The following ZNF770 variants were observed in gnomAD, a reference collection of about 807,000 sequenced individuals.
ZNF770 encodes zinc finger protein 770.
A neutral mutation model predicts 44.8 loss-of-function variants in ZNF770; 13 were observed. That is an observed-to-expected ratio of 0.29 (90% confidence interval 0.19 to 0.46). The LOEUF is 0.46. Among genes scored for constraint, ZNF770 ranks in the 20% least tolerant of loss-of-function variants. ZNF770 has a pLI of 1.00. For missense variants in ZNF770, 681 were observed against 797.9 expected (o/e 0.85, Z 1.77); for synonymous variants, 304 against 271.8 (o/e 1.12, Z -1.17).
intron 1 of ZNF770, 43 bp from the exon 2 acceptor site, chr15:34,987,716 G>A (rs1007133361): frequency 3.9e-5 from 6 of 152,200 alleles, no homozygotes; most frequent in African/African-American, 1.4e-4. Flanking sequence ...AATAATCTCC[G>A]GCGGCTGCTT....
intron 2 of ZNF770, among the ~76,000 whole-genome samples, chr15:34,984,961 C>T (rs1189109979): frequency 1.3e-5 from 2 of 151,906 alleles, no homozygotes; most frequent in African/African-American, 2.4e-5. Context: ...GGCAAAACCC[C>T]GTCTCGACTA....
In ZNF770 at chr15:34,981,261, C is replaced by T; in HGVS notation, c.*98G>A. Reference sequence around the variant, plus strand: ...ACAAGCAAATGCCTGTGAAACCATTCAGTTTAATGCAGGCCTTTCAATAAA... The same window carrying T: ...ACAAGCAAATGCCTGTGAAACCATTTAGTTTAATGCAGGCCTTTCAATAAA... On this transcript the variant is annotated 3_prime_UTR_variant, in exon 3 of 3. Coordinates refer to ENST00000356321, the MANE Select transcript of ZNF770 (RefSeq NM_014106.4). The T allele has an allele frequency of 1.6e-6, 2 of 1,215,346 alleles. No homozygotes were observed. Among genetic ancestry groups the T allele is most frequent in the Non-Finnish European group, 2.2e-6 (2 of 898,496 alleles). The allele number at this position is 1,215,346 out of a possible 1,614,324, so 75.3% of individuals were successfully genotyped here.
intron 2 of ZNF770, among the ~76,000 whole-genome samples, chr15:34,986,371 T>C (rs1595375042): frequency 6.6e-6 from 1 of 152,218 alleles, no homozygotes. Flanking sequence ...GTGCTATGAA[T>C]ATGCATTTTC....
At position 34,981,817 on chromosome 15, in the gene ZNF770, C is replaced by G. The variant is rs140429599; in HGVS notation, c.1618G>C (p.Gly540Arg). Residue 540 changes from glycine to arginine, a missense_variant, in exon 3 of 3, where the codon GGA becomes CGA. Gly to Arg is a moderately radical substitution (Grantham distance 125, BLOSUM62 -2). Transcript: ENST00000356321. ...PYASLCQVEF[G>R]NFNNLSNHSG... ...TGATTAGAAAGATTGTTGAAGTTTCCAAATTCTACTTGGCAAAGAGATGCA... is the reference window on the plus strand; with the variant it reads ...TGATTAGAAAGATTGTTGAAGTTTCGAAATTCTACTTGGCAAAGAGATGCA... 5.0e-6 allele frequency: 8 copies of G among 1,613,892 alleles called. No homozygotes were observed. The African/African-American group carries it at 9.3e-5, about 19-fold the overall frequency.
chr15:34,988,058 A>T (rs1309991055), intron 1 of ZNF770, 58 bp downstream of exon 1: 1 of 152,296 alleles, frequency 6.6e-6, no homozygotes, highest in Non-Finnish European at 1.5e-5. Context: ...GAAGTGAGAA[A>T]GCAAAAGGAG....
chr15:34,985,916 A>C (rs1382362749), intron 2 of ZNF770, among the ~76,000 whole-genome samples: 1 of 152,146 alleles, frequency 6.6e-6, no homozygotes, highest in Non-Finnish European at 1.5e-5. Context: ...AAATAAATAC[A>C]TAAATAAAAA....
chr15:34,982,775 A>G lies in ZNF770; in HGVS notation c.660T>C (p.Phe220=). 2 of 1,613,958 alleles carry G rather than the reference A, an allele frequency of 1.2e-6. No individual in the cohort carries two copies. The highest frequency in any genetic ancestry group is 4.5e-5 in the East Asian group (2 of 44,870). Residue 220 remains phenylalanine, a synonymous_variant, in exon 3 of 3, where the codon TTT becomes TTC. Coordinates refer to ENST00000356321, the MANE Select transcript of ZNF770 (RefSeq NM_014106.4). ...HSEERPFQCC[F]CQKGFKIQSK... Reference sequence around the variant, plus strand: ...TTTGAATCTTAAATCCTTTTTGACAAAAACAACATTGAAAAGGTCTTTCTT... The same window carrying G: ...TTTGAATCTTAAATCCTTTTTGACAGAAACAACATTGAAAAGGTCTTTCTT...
At position 34,987,546 on chromosome 15, in the gene ZNF770, T is replaced by TA. The variant is rs1193348735; in HGVS notation, c.-57+10dup. ...CTCTACGTGAAGACTGTAAAAACTG[T>TA]AAAAACTGACCTCAATAATATCCAA... On this transcript the variant is annotated intron_variant, in intron 2 of 2. Coordinates refer to ENST00000356321, the MANE Select transcript of ZNF770 (RefSeq NM_014106.4). 1 of 152,238 alleles carries TA rather than the reference T, an allele frequency of 6.6e-6. No homozygotes were observed. Among genetic ancestry groups the TA allele is most frequent in the Non-Finnish European group, 1.5e-5 (1 of 68,054 alleles). 9.4% of individuals were successfully genotyped at this position (152,238 alleles called of 1,614,324 possible).
In ZNF770 at chr15:34,982,830, T is replaced by G; in HGVS notation, c.605A>C (p.His202Pro). The G allele has an allele frequency of 6.2e-7, 1 of 1,613,874 alleles. No individual in the cohort carries two copies. The highest frequency in any genetic ancestry group is 2.2e-5 in the East Asian group (1 of 44,870). Residue 202 changes from histidine to proline, a missense_variant, in exon 3 of 3, where the codon CAC (histidine) becomes CCC (proline). This residue lies in a region of ZNF770 where 432 missense variants were observed against 434.1 expected (regional missense o/e 1.00). Transcript: ENST00000356321. ...LCTKSFRQST[H>P]LKIHQLTHSE... is the part of the protein sequence containing the mutation. ...ATGTGTAAGTTGGTGGATTTTTAAG[T>G]GAGTTGACTGTCGAAAAGATTTAGT...
At position 34,984,387 on chromosome 15, in the gene ZNF770, G is replaced by A. The variant is rs548778618; in HGVS notation, c.-56-897C>T. Among the ~76,000 whole-genome samples, 5 of 152,284 alleles carry A rather than the reference G, an allele frequency of 3.3e-5. No individual in the cohort carries two copies. The South Asian group carries it at 6.2e-4, about 19-fold the overall frequency. ...TTTTAAAAATTTCTCACCTGGCGCC[G>A]TGGCTCACGCCTGTAATCCCGCACT... On this transcript the variant is annotated intron_variant, in intron 2 of 2. Transcript: ENST00000356321.
At chr15:34,985,233 T>C (rs1595374721) in intron 2 of ZNF770, among the ~76,000 whole-genome samples, 1 of 152,166 alleles carries the variant, frequency 6.6e-6, no homozygotes, top group South Asian at 2.1e-4. Flanking sequence ...ATTACTTTAC[T>C]ATGGCACTGC....
At chr15:34,986,325 A>C (rs1412818316) in intron 2 of ZNF770, among the ~76,000 whole-genome samples, 3 of 152,222 alleles carry the variant, frequency 2.0e-5, no homozygotes, top group Non-Finnish European at 4.4e-5. Flanking sequence ...ATATCATATA[A>C]CCCAGATATC....
chr15:34,980,772 T>C lies in ZNF770; in HGVS notation c.*587A>G, dbSNP rs1282719765. 1 of 149,666 alleles carries C rather than the reference T, an allele frequency of 6.7e-6. No individual in the cohort carries two copies. Among genetic ancestry groups the C allele is most frequent in the Non-Finnish European group, 1.5e-5 (1 of 67,796 alleles). 9.3% of individuals were successfully genotyped at this position (149,666 alleles called of 1,614,324 possible). ...AGCCTGGCGAAAGAGTGAGACTCCA[T>C]CTCAAAAAAAAAGACCAATGAAAAT... On this transcript the variant is annotated 3_prime_UTR_variant, in exon 3 of 3. Coordinates refer to ENST00000356321, the MANE Select transcript of ZNF770 (RefSeq NM_014106.4).
In ZNF770 at chr15:34,982,385, T is replaced by A; in HGVS notation, c.1050A>T (p.Lys350Asn). Reference protein sequence around the residue: ...LAKLKRARSKKLDNFQSEKKV... With the variant: ...LAKLKRARSKNLDNFQSEKKV... Reference sequence around the variant, plus strand: ...TTTTCTCAGATTGAAAGTTATCTAATTTTTTACTCCTAGCACGCTTAAGCT... The same window carrying A: ...TTTTCTCAGATTGAAAGTTATCTAAATTTTTACTCCTAGCACGCTTAAGCT... The change falls in exon 3 of 3, where the codon AAA becomes AAT. Residue 350 changes from lysine (K) to asparagine (N), a missense_variant. Around this residue, in one of 5 missense-constraint regions of ZNF770, gnomAD observed 432 missense variants for 434.1 expected, o/e 1.00. Transcript: ENST00000356321. 6 of 1,608,928 alleles carry A rather than the reference T, an allele frequency of 3.7e-6. No homozygotes were observed. The highest frequency in any genetic ancestry group is 5.1e-6 in the Non-Finnish European group (6 of 1,178,274).
rs1194477729 is a variant in ZNF770, at chr15:34,978,657, T to TA, written c.*2701dup. Reference sequence around the variant, plus strand: ...TTCTAGCATGCAACAAACCATCTACTATCTAATGTTTAATCTTCTTAACAT... The same window carrying TA: ...TTCTAGCATGCAACAAACCATCTACTAATCTAATGTTTAATCTTCTTAACAT... On this transcript the variant is annotated 3_prime_UTR_variant, in exon 3 of 3. Coordinates refer to ENST00000356321, the MANE Select transcript of ZNF770 (RefSeq NM_014106.4). The TA allele has an allele frequency of 6.6e-6, 1 of 152,166 alleles. No individual in the cohort carries two copies. The highest frequency in any genetic ancestry group is 1.5e-5 in the Non-Finnish European group (1 of 68,038). 9.4% of individuals were successfully genotyped at this position (152,166 alleles called of 1,614,324 possible). A position where few individuals can be genotyped will look rare whatever the true frequency, so the allele number is the denominator to read the frequency against.
Position 34,982,609 on chromosome 15 carries a change from C to A in ZNF770, c.826G>T (p.Gly276Cys), listed in dbSNP as rs763113942. The change falls in exon 3 of 3, where the codon GGT (glycine) becomes TGT (cysteine). Residue 276 changes from glycine to cysteine, a missense_variant. Around this residue, in one of 5 missense-constraint regions of ZNF770, gnomAD observed 432 missense variants for 434.1 expected, o/e 1.00. Coordinates refer to ENST00000356321, the MANE Select transcript of ZNF770 (RefSeq NM_014106.4). ...NQGGFENGEIGESEENNPLDV... is the reference protein window; with the variant it reads ...NQGGFENGEICESEENNPLDV... ...AGTGGATTATTCTCCTCAGATTCACCAATCTCACCATTTTCAAAACCACCC... is the reference window on the plus strand; with the variant it reads ...AGTGGATTATTCTCCTCAGATTCACAAATCTCACCATTTTCAAAACCACCC... 1.2e-6 allele frequency: 2 copies of A among 1,613,350 alleles called. No individual in the cohort carries two copies. The highest frequency in any genetic ancestry group is 2.2e-5 in the South Asian group (2 of 91,046).
rs368601273 is a variant in ZNF770 at position 34,979,672 on chromosome 15, CCT to C, written c.*1685_*1686del. ...CACCTACTATCCCTCCCGCCTCCCCCCTGTCAAAAGAAAGTTCTCAGTTTATG... is the reference window on the plus strand; with the variant it reads ...CACCTACTATCCCTCCCGCCTCCCCCGTCAAAAGAAAGTTCTCAGTTTATG... On this transcript the variant is annotated 3_prime_UTR_variant, in exon 3 of 3. Coordinates refer to ENST00000356321, the MANE Select transcript of ZNF770 (RefSeq NM_014106.4). 1.2e-3 allele frequency: 552 copies of C among 449,390 alleles called. 2 individuals carry two copies. Among genetic ancestry groups the C allele is most frequent in the African/African-American group, 2.2e-3 (111 of 49,720 alleles). The allele number at this position is 449,390 out of a possible 1,614,324, so 27.8% of individuals were successfully genotyped here.
Position 34,980,682 on chromosome 15 carries a change from C to A in ZNF770, c.*677G>T, listed in dbSNP as rs11852594. The A allele has an allele frequency of 0.22, 33,150 of 152,014 alleles. 4,943 individuals are homozygous for A. The highest frequency in any genetic ancestry group is 0.43 in the African/African-American group (17,577 of 41,350). The allele number at this position is 152,014 out of a possible 1,614,324, so 9.4% of individuals were successfully genotyped here. ...ATCCCAGCTACTCAGGAGGCTGAGG[C>A]AGGAGAATCGCTGGAATCTGGGATG... On this transcript the variant is annotated 3_prime_UTR_variant, in exon 3 of 3. Coordinates refer to ENST00000356321, the MANE Select transcript of ZNF770 (RefSeq NM_014106.4).
chr15:34,985,341 C>T (rs1040970349), intron 2 of ZNF770, among the ~76,000 whole-genome samples: 1 of 152,060 alleles, frequency 6.6e-6, no homozygotes, highest in African/African-American at 2.4e-5. Context: ...AGTTCTAAGT[C>T]TGGAGTTCTT....
Sources: gnomAD v4.1 joint callset for allele counts (sites outside exome capture counted in the v4.1 genomes callset) on GRCh38, gnomAD v4.1.1 for gene constraint, gnomAD v4.1.1 regional missense constraint, MANE v1.5 for transcripts, NCBI Gene and HGNC (gene_info 2026-07-23, HGNC 2026-07-21) for gene names.